GLI2: variants seen among roughly 807,000 people sequenced by gnomAD.
The protein encoded by GLI2 is transcription activator GLI2.
GLI2 carries 22 observed loss-of-function variants against 78.9 expected under a neutral mutation model. The ratio of observed to expected loss-of-function variants is 0.28; its 90% confidence interval spans 0.20 to 0.40. The LOEUF (loss-of-function observed/expected upper bound fraction) is 0.40. Ranked by LOEUF, GLI2 falls within the 10% of genes least tolerant of loss-of-function variation. The pLI is 1.00. For synonymous variants in GLI2, 974 were observed against 963.7 expected (o/e 1.01, Z -0.20); for missense variants, 2,097 against 2,213.2 (o/e 0.95, Z 1.05).
intron 2 of GLI2, among the ~76,000 whole-genome samples, chr2:120,805,030 C>G (rs752121378): frequency 6.6e-6 from 1 of 152,192 alleles, no homozygotes; most frequent in Non-Finnish European, 1.5e-5. Context: ...TGGAACTAAG[C>G]GAGACAAGGT....
At chr2:120,788,890 A>G (rs1684069668) in intron 1 of GLI2, among the ~76,000 whole-genome samples, 1 of 152,104 alleles carries the variant, frequency 6.6e-6, no homozygotes, top group African/African-American at 2.4e-5. Context: ...CAGGCTGGCC[A>G]GGCTGTGCTG....
intron 1 of GLI2, among the ~76,000 whole-genome samples, chr2:120,783,296 G>T (rs1683900493): frequency 6.6e-6 from 1 of 152,084 alleles, no homozygotes; most frequent in African/African-American, 2.4e-5. Flanking sequence ...TCCCATATGG[G>T]CTGGGGACAT....
Position 120,992,050 on chromosome 2 carries a change from A to ACACACC in GLI2, c.*1376_*1377insACACCC, listed in dbSNP as rs1553480327. 2,321 of 146,692 alleles carry ACACACC rather than the reference A, an allele frequency of 0.016. 23 individuals are homozygous for ACACACC. The highest frequency in any genetic ancestry group is 0.024 in the African/African-American group (925 of 38,116). The allele number at this position is 146,692 out of a possible 1,614,324, so 9.1% of individuals were successfully genotyped here. On this transcript the variant is annotated 3_prime_UTR_variant, in exon 14 of 14. Transcript: ENST00000361492. ...CACACACACACACACACACACACACACCCCAAACCTTTTCATGGGGAATGT... is the reference window on the plus strand; with the variant it reads ...CACACACACACACACACACACACACACACACCCCCCAAACCTTTTCATGGGGAATGT...
chr2:120,981,276 G>A (rs946747776), intron 10 of GLI2, among the ~76,000 whole-genome samples: 8 of 152,206 alleles, frequency 5.3e-5, no homozygotes, highest in Non-Finnish European at 4.4e-5. Flanking sequence ...CTGAAAAATT[G>A]TTCTTTCCAT....
At chr2:120,940,211 C>T (rs766703533) in intron 3 of GLI2, among the ~76,000 whole-genome samples, 9 of 152,326 alleles carry the variant, frequency 5.9e-5, no homozygotes, top group African/African-American at 2.2e-4. Flanking sequence ...TCTCCCAGTT[C>T]GTGCCTGGTC....
chr2:120,785,623 GC>G (rs925034367), intron 1 of GLI2, among the ~76,000 whole-genome samples: 22 of 152,136 alleles, frequency 1.4e-4, no homozygotes, highest in Non-Finnish European at 1.2e-4. Context: ...CCCCTGCCCT[GC>G]CCCTGCCCCA....
At chr2:120,748,900 A>G (rs943832678) in intron 1 of GLI2, among the ~76,000 whole-genome samples, 4 of 151,382 alleles carry the variant, frequency 2.6e-5, no homozygotes, top group Non-Finnish European at 4.4e-5. Flanking sequence ...TCCTCAATCC[A>G]TCATCATCCA....
In GLI2 at chr2:120,935,377, G is replaced by A. The variant is rs539636020; in HGVS notation, c.254+7911G>A. Among the ~76,000 whole-genome samples, 7 of 152,326 alleles carry A rather than the reference G, an allele frequency of 4.6e-5. No individual in the cohort carries two copies. The South Asian group carries it at 1.0e-3, about 23-fold the overall frequency. On this transcript the variant is annotated intron_variant, in intron 3 of 13. Coordinates refer to ENST00000361492, the MANE Select transcript of GLI2 (RefSeq NM_001374353.1). Reference sequence around the variant, plus strand: ...ACCCTGGGTCCAGGCGATGTGTCGGGCAGCACATCCTTCCACGGCTGTCTG... The same window carrying A: ...ACCCTGGGTCCAGGCGATGTGTCGGACAGCACATCCTTCCACGGCTGTCTG...
At position 120,872,071 on chromosome 2, in the gene GLI2, A is replaced by G. The variant is rs879713456; in HGVS notation, c.149-55290A>G. On this transcript the variant is annotated intron_variant, in intron 2 of 13. Transcript: ENST00000361492. ...GTGAGGGGCCCTGGAAGGGAGCACA[A>G]AGTTTGTTGTGCCAGGTGGTCAGTG... 1.4e-4 allele frequency among the ~76,000 whole-genome samples: 22 copies of G among 152,112 alleles called. 1 individual carries two copies. The highest frequency in any genetic ancestry group is 1.3e-3 in the Admixed American group (20 of 15,280).
chr2:120,953,492 G>T (rs541319091), intron 4 of GLI2, among the ~76,000 whole-genome samples: 4 of 152,210 alleles, frequency 2.6e-5, no homozygotes, highest in Non-Finnish European at 5.9e-5. Context: ...AGTTTATGCT[G>T]ATCTGTTACA....
intron 3 of GLI2, among the ~76,000 whole-genome samples, chr2:120,946,665 C>T (rs1284943297): frequency 6.6e-6 from 1 of 152,200 alleles, no homozygotes; most frequent in Non-Finnish European, 1.5e-5. Context: ...TCAGACTTCA[C>T]CAGTAGTCGC....
chr2:120,875,492 G>A (rs1166181552), intron 2 of GLI2, among the ~76,000 whole-genome samples: 3 of 152,206 alleles, frequency 2.0e-5, no homozygotes, highest in Middle Eastern at 3.2e-3. Context: ...GGACGGTCTT[G>A]GAAGGATTTG....
In GLI2 at chr2:120,956,823, G is replaced by A. The variant is rs558417102; in HGVS notation, c.643+1393G>A. Among the ~76,000 whole-genome samples, 18 of 152,198 alleles carry A rather than the reference G, an allele frequency of 1.2e-4. 1 individual carries two copies. Among genetic ancestry groups the A allele is most frequent in the East Asian group, 3.9e-4 (2 of 5,164 alleles). On this transcript the variant is annotated intron_variant, in intron 5 of 13. Coordinates refer to ENST00000361492, the MANE Select transcript of GLI2 (RefSeq NM_001374353.1). ...GGTGGGAAATCATGTGGGACCAGGCGGGGCCATGAGACTCAGGGTGGGCTG... is the reference window on the plus strand; with the variant it reads ...GGTGGGAAATCATGTGGGACCAGGCAGGGCCATGAGACTCAGGGTGGGCTG...
chr2:120,923,341 C>T (rs923672491), intron 2 of GLI2, among the ~76,000 whole-genome samples: 16 of 73,350 alleles, frequency 2.2e-4, no homozygotes, highest in Admixed American at 6.2e-4. Context: ...CACATAAACA[C>T]GGCAGCAGAC....
chr2:120,891,335 A>T (rs188137428), intron 2 of GLI2, among the ~76,000 whole-genome samples: 137 of 152,224 alleles, frequency 9.0e-4, no homozygotes, highest in African/African-American at 3.1e-3. Flanking sequence ...AGTGTTGCCT[A>T]GTGGTTAAGA....
chr2:120,751,759 T>C (rs1434139005), intron 1 of GLI2, among the ~76,000 whole-genome samples: 2 of 152,216 alleles, frequency 1.3e-5, no homozygotes, highest in Non-Finnish European at 2.9e-5. Context: ...GCACACATAT[T>C]GTTTTGCAAT....
intron 2 of GLI2, among the ~76,000 whole-genome samples, chr2:120,798,957 TC>T (rs1261601180): frequency 6.6e-6 from 1 of 151,960 alleles, no homozygotes; most frequent in Non-Finnish European, 1.5e-5. Context: ...GCGGGAACCA[TC>T]CCCCCATCCC....
At chr2:120,807,655 G>A (rs955209398) in intron 2 of GLI2, among the ~76,000 whole-genome samples, 1 of 152,182 alleles carries the variant, frequency 6.6e-6, no homozygotes, top group African/African-American at 2.4e-5. Flanking sequence ...TGAGCGGGAA[G>A]CACTGGCAAA....
At chr2:120,878,307 C>A (rs1460078122) in intron 2 of GLI2, among the ~76,000 whole-genome samples, 1 of 152,190 alleles carries the variant, frequency 6.6e-6, no homozygotes, top group Non-Finnish European at 1.5e-5. Context: ...TTTCTTCTTG[C>A]CAATAATGGC....
Sources: gnomAD v4.1 joint callset for allele counts (sites outside exome capture counted in the v4.1 genomes callset) on GRCh38, gnomAD v4.1.1 for gene constraint, MANE v1.5 for transcripts, NCBI Gene and HGNC (gene_info 2026-07-23, HGNC 2026-07-21) for gene names.